HERPUD2: variants seen among roughly 807,000 people sequenced by gnomAD.
The protein encoded by HERPUD2 is HERPUD family member 2.
In HERPUD2, 13 loss-of-function variants were observed where a neutral mutation model predicts 49.9. The ratio of observed to expected loss-of-function variants is 0.26; its 90% CI spans 0.17 to 0.41. HERPUD2 has a LOEUF of 0.41. Among genes scored for constraint, HERPUD2 ranks in the 10% least tolerant of loss-of-function variants. HERPUD2 has a pLI of 1.00. For missense variants in HERPUD2, 449 were observed against 492.2 expected (o/e 0.91, Z 0.83); for synonymous variants, 172 against 171.4 (o/e 1.00, Z -0.03).
chr7:35,647,729 T>C (rs1022778191), intron 5 of HERPUD2, among the ~76,000 whole-genome samples: 4 of 152,192 alleles, frequency 2.6e-5, no homozygotes, highest in Non-Finnish European at 5.9e-5. Flanking sequence ...AAGTTAAAAA[T>C]GGATTTGAAT....
At chr7:35,674,949 T>C (rs1171419151) in intron 2 of HERPUD2, among the ~76,000 whole-genome samples, 1 of 152,176 alleles carries the variant, frequency 6.6e-6, no homozygotes, top group Non-Finnish European at 1.5e-5. Flanking sequence ...CAAATGTAAG[T>C]AACATGTTTC....
chr7:35,635,676 G>A (rs2048683274), intron 6 of HERPUD2, among the ~76,000 whole-genome samples: 2 of 152,102 alleles, frequency 1.3e-5, no homozygotes, highest in African/African-American at 4.8e-5. Flanking sequence ...CTCTCAGCCT[G>A]CTATTGTAAG....
rs70974762 is a variant in HERPUD2, at chr7:35,685,960, C to CAAAATAAATAAATAAA, written c.147+8223_147+8224insTTTATTTATTTATTTT. Among the ~76,000 whole-genome samples the CAAAATAAATAAATAAA allele has an allele frequency of 1.4e-3, 208 of 148,050 alleles. 2 individuals are homozygous for CAAAATAAATAAATAAA. The highest frequency in any genetic ancestry group is 3.5e-3 in the Middle Eastern group (1 of 284). On this transcript the variant is annotated intron_variant, in intron 2 of 8. Transcript: ENST00000311350. ...TGGACAACAGAGCGAGACCCTGTCT[C>CAAAATAAATAAATAAA]TAAATAAATAAATAAATAAATAAAT... is the stretch of plus-strand genomic sequence containing the variant.
At chr7:35,639,568 G>C (rs1784933456) in intron 5 of HERPUD2, among the ~76,000 whole-genome samples, 1 of 152,148 alleles carries the variant, frequency 6.6e-6, no homozygotes, top group Admixed American at 6.6e-5. Context: ...GACAACTACA[G>C]AGATAAACAG....
At position 35,670,310 on chromosome 7, in the gene HERPUD2, C is replaced by T. The variant is rs1261773793; in HGVS notation, c.244G>A (p.Val82Ile). ...GTCCGAGAAGTACATACTAGATGAA[C>T]CATATGATACTCATCTTGCTAAAAT... ...ILRKQDEYHM[V>I]HLVCTSRTPP... Residue 82 changes from valine (V) to isoleucine (I), a missense_variant, in exon 4 of 9, where the codon GTT becomes ATT. Val to Ile is a conservative substitution (Grantham distance 29). Coordinates refer to ENST00000311350, the MANE Select transcript of HERPUD2 (RefSeq NM_022373.5). 1.3e-6 allele frequency: 2 copies of T among 1,494,414 alleles called. No homozygotes were observed. Among genetic ancestry groups the T allele is most frequent in the African/African-American group, 1.4e-5 (1 of 69,520 alleles). 92.6% of individuals were successfully genotyped at this position (1,494,414 alleles called of 1,614,324 possible).
At chr7:35,657,603 CAAAAA>C (rs34292182) in intron 5 of HERPUD2, among the ~76,000 whole-genome samples, 27 of 57,090 alleles carry the variant, frequency 4.7e-4, no homozygotes, top group African/African-American at 1.7e-3. Context: ...GACCTTCTCT[CAAAAA>C]AAAAAAAAAA....
In HERPUD2 at chr7:35,682,784, G is replaced by A. The variant is rs114171478; in HGVS notation, c.148-9506C>T. Among the ~76,000 whole-genome samples, 252 of 150,422 alleles carry A rather than the reference G, an allele frequency of 1.7e-3. 2 individuals carry two copies. Among genetic ancestry groups the A allele is most frequent in the African/African-American group, 5.8e-3 (236 of 40,920 alleles). The stretch of plus-strand genomic sequence containing the variant: ...TTTTATATACCAACAGCAACCAAGC[G>A]GAGAATCAAAACGAGAACTCAACCC... On this transcript the variant is annotated intron_variant, in intron 2 of 8. Transcript: ENST00000311350.
intron 5 of HERPUD2, among the ~76,000 whole-genome samples, chr7:35,663,231 G>A (rs1328009438): frequency 6.6e-6 from 1 of 152,212 alleles, no homozygotes; most frequent in South Asian, 2.1e-4. Context: ...TGTGGTCTGA[G>A]AGACAGTTTG....
At chr7:35,667,736 G>T in intron 4 of HERPUD2, 148 bp from the exon 5 acceptor site, 1 of 574,318 alleles carries the variant, frequency 1.7e-6, no homozygotes. Context: ...TCCAGTATAA[G>T]TAGATATTTT....
At chr7:35,673,536 G>A (rs1470680270) in intron 2 of HERPUD2, among the ~76,000 whole-genome samples, 2 of 152,032 alleles carry the variant, frequency 1.3e-5, no homozygotes, top group Admixed American at 1.3e-4. Flanking sequence ...TGAGGAGGGG[G>A]AACAGGTAGA....
chr7:35,635,377 A>G lies in HERPUD2; in HGVS notation c.699T>C (p.His233=). 1.2e-6 allele frequency: 2 copies of G among 1,614,124 alleles called. No homozygotes were observed. The highest frequency in any genetic ancestry group is 1.3e-5 in the African/African-American group (1 of 75,036). The change falls in exon 7 of 9, where the codon CAT becomes CAC. Residue 233 remains histidine, a synonymous_variant. Coordinates refer to ENST00000311350, the MANE Select transcript of HERPUD2 (RefSeq NM_022373.5). ...CTGGTGGGGGTTCTTCTCCAGGAAC[A>G]TGTGCCAAATTTAGAGGCTGTGAAG... The part of the protein sequence containing the change: ...PTTSQPLNLA[H]VPGEEPPPAP...
chr7:35,674,411 AG>A (rs1463284900), intron 2 of HERPUD2, among the ~76,000 whole-genome samples: 1 of 17,364 alleles, frequency 5.8e-5, no homozygotes, highest in Non-Finnish European at 9.6e-5. Context: ...ATATAGAGAG[AG>A]AGAGAGAGAG....
intron 5 of HERPUD2, among the ~76,000 whole-genome samples, chr7:35,648,309 T>C (rs1432593523): frequency 6.6e-6 from 1 of 152,226 alleles, no homozygotes. Flanking sequence ...CAAATATTTA[T>C]GGTAAAAGAT....
intron 6 of HERPUD2, among the ~76,000 whole-genome samples, chr7:35,637,190 G>C (rs560135752): frequency 1.3e-5 from 2 of 151,136 alleles, no homozygotes; most frequent in South Asian, 4.2e-4. Context: ...TAGATAGATA[G>C]ATAGATAGAT....
At chr7:35,681,789 A>T (rs1325765173) in intron 2 of HERPUD2, among the ~76,000 whole-genome samples, 1 of 152,164 alleles carries the variant, frequency 6.6e-6, no homozygotes, top group Non-Finnish European at 1.5e-5. Context: ...AATCCATAGA[A>T]ACAGAAAGTA....
chr7:35,677,184 C>T (rs1232636127), intron 2 of HERPUD2, among the ~76,000 whole-genome samples: 1 of 152,174 alleles, frequency 6.6e-6, no homozygotes, highest in Non-Finnish European at 1.5e-5. Flanking sequence ...GCTGAATACA[C>T]ACATACTCCT....
intron 2 of HERPUD2, among the ~76,000 whole-genome samples, chr7:35,678,711 C>A (rs1785818215): frequency 6.6e-6 from 1 of 152,112 alleles, no homozygotes; most frequent in Non-Finnish European, 1.5e-5. Context: ...AAGTCCATAT[C>A]CAAAACATAA....
chr7:35,633,960 A>G (rs959902414), intron 8 of HERPUD2, 109 bp from the exon 9 acceptor site: 1 of 1,154,460 alleles, frequency 8.7e-7, no homozygotes, highest in African/African-American at 1.5e-5. Context: ...AGTGGTATGT[A>G]TGTGGTCATT....
At chr7:35,640,860 T>C (rs967077737) in intron 5 of HERPUD2, among the ~76,000 whole-genome samples, 2 of 152,182 alleles carry the variant, frequency 1.3e-5, no homozygotes, top group Admixed American at 1.3e-4. Context: ...TGATCAAATC[T>C]GTGGGGAAAA....
Sources: gnomAD v4.1 joint callset for allele counts (sites outside exome capture counted in the v4.1 genomes callset) on GRCh38, gnomAD v4.1.1 for gene constraint, MANE v1.5 for transcripts, NCBI Gene and HGNC (gene_info 2026-07-23, HGNC 2026-07-21) for gene names.